The following COMTD1 variants were observed in gnomAD, a reference collection of about 807,000 sequenced individuals.
COMTD1 encodes catechol-O-methyltransferase domain containing 1, also known as catechol O-methyltransferase domain-containing protein 1.
In COMTD1, 35 loss-of-function variants were observed where a neutral mutation model predicts 33.6. That is an observed-to-expected ratio of 1.04 (90% CI 0.80 to 1.38). COMTD1 has a LOEUF of 1.38. Ranked by LOEUF, COMTD1 falls within the 40% of genes most tolerant of loss-of-function variation. The probability of loss-of-function intolerance (pLI) is 0.00; values close to 1 mark genes in which losing one functional copy is unlikely to be tolerated. For synonymous variants in COMTD1, 160 were observed against 176.8 expected (o/e 0.91, Z 0.75); for missense variants, 370 against 363.4 (o/e 1.02, Z -0.15).
chr10:75,235,815 C>G lies in COMTD1; in HGVS notation c.94+20G>C. The stretch of plus-strand genomic sequence containing the variant: ...ACTCTGCGCCCGCCCACCCGCCCGC[C>G]GGGACCAGGTCCTGCTCACCCAGGA... On this transcript the variant is annotated intron_variant, in intron 1 of 6. Coordinates refer to ENST00000372538, the MANE Select transcript of COMTD1 (RefSeq NM_144589.4). 2.6e-6 allele frequency: 4 copies of G among 1,536,786 alleles called. No individual in the cohort carries two copies. The highest frequency in any genetic ancestry group is 3.5e-6 in the Non-Finnish European group (4 of 1,144,212).
At chr10:75,235,472 AC>A (rs1365623602) in intron 2 of COMTD1, 100 bp from the exon 3 acceptor site, 3 of 1,335,636 alleles carry the variant, frequency 2.2e-6, no homozygotes, top group African/African-American at 1.5e-5. Flanking sequence ...GGCCTGGGGG[AC>A]TGGCCCTTCG....
chr10:75,234,979 T>G lies in COMTD1; in HGVS notation c.461A>C (p.His154Pro), dbSNP rs1436483527. 6.6e-6 allele frequency: 10 copies of G among 1,521,522 alleles called. No individual in the cohort carries two copies. The East Asian group carries it at 2.4e-4, about 36-fold the overall frequency. The allele number at this position is 1,521,522 out of a possible 1,614,324, so 94.3% of individuals were successfully genotyped here. The change falls in exon 5 of 7, where the codon CAC (histidine) becomes CCC (proline). Residue 154 changes from histidine (H) to proline (P), a missense_variant. By Grantham distance (77) the His-to-Pro change is moderately conservative. Transcript: ENST00000372538. ...GGGCTTCAGCCGGAGGTCGATCTTG[T>G]GCTCCGCCTCGGCCTGCGGAGGGAG... ...RPLWRQAEAE[H>P]KIDLRLKPAL...
Position 75,235,156 on chromosome 10 carries a change from G to A in COMTD1, c.351C>T (p.Ala117=). 1.4e-6 allele frequency: 2 copies of A among 1,407,280 alleles called. No individual in the cohort carries two copies. The highest frequency in any genetic ancestry group is 2.8e-5 in the East Asian group (1 of 35,106). 87.2% of individuals were successfully genotyped at this position (1,407,280 alleles called of 1,614,324 possible). ...CGGGCAGCGCCAGGGCCAGGGCCAG[G>A]GCGGAGTAGCCCGTGAAGGTGCCTG... ...LDLGTFTGYS[A]LALALALPAD... Residue 117 remains alanine (A), a synonymous_variant, in exon 4 of 7, where the codon GCC becomes GCT. Coordinates refer to ENST00000372538, the MANE Select transcript of COMTD1 (RefSeq NM_144589.4).
chr10:75,234,816 C>T, intron 5 of COMTD1, 73 bp from the exon 6 acceptor site: 2 of 1,529,478 alleles, frequency 1.3e-6, no homozygotes, highest in Non-Finnish European at 1.8e-6. Context: ...CCCAGGCCGG[C>T]CCGGGCTCTG....
chr10:75,235,127 T>A lies in COMTD1; in HGVS notation c.380A>T (p.Asp127Val). The stretch of plus-strand genomic sequence containing the variant: ...CACCTCGCAGGTCACCACGCGCCCG[T>A]CCGCGGGCAGCGCCAGGGCCAGGGC... ...ALALALALPA[D>V]GRVVTCEVDA... The change falls in exon 4 of 7, where the codon GAC (aspartate) becomes GTC (valine). Residue 127 changes from aspartate (D) to valine (V), a missense_variant. Physicochemically the swap from Asp to Val is radical, Grantham distance 152 (BLOSUM62 -3). Transcript: ENST00000372538. The A allele has an allele frequency of 1.4e-6, 2 of 1,400,258 alleles. No individual in the cohort carries two copies. The highest frequency in any genetic ancestry group is 1.8e-6 in the Non-Finnish European group (2 of 1,083,972). The allele number at this position is 1,400,258 out of a possible 1,614,324, so 86.7% of individuals were successfully genotyped here. A position where few individuals can be genotyped will look rare whatever the true frequency, so the allele number is the denominator to read the frequency against.
intron 2 of COMTD1, 31 bp from the exon 3 acceptor site, chr10:75,235,403 T>C (rs1564720278): frequency 1.4e-6 from 2 of 1,477,270 alleles, no homozygotes; most frequent in South Asian, 1.3e-5. Context: ...GCACCAGCCA[T>C]GCAGGTCACC....
Position 75,234,749 on chromosome 10 carries a change from G to C in COMTD1, c.503-6C>G, listed in dbSNP as rs778108660. The C allele has an allele frequency of 2.4e-5, 38 of 1,579,530 alleles. No individual in the cohort carries two copies. In the East Asian group the frequency reaches 5.6e-4, roughly 23 times the overall value. ...GCCCGCCGCCAGCAGCTCGTCTTGC[G>C]GGGGGAGGGAGGGCAGGTGCGGCTG... On this transcript the variant is annotated splice_region_variant and splice_polypyrimidine_tract_variant and intron_variant, in intron 5 of 6. Coordinates refer to ENST00000372538, the MANE Select transcript of COMTD1 (RefSeq NM_144589.4).
Position 75,234,748 on chromosome 10 carries a change from C to CG in COMTD1, c.503-6dup, listed in dbSNP as rs769814216. Reference sequence around the variant, plus strand: ...CGCCCGCCGCCAGCAGCTCGTCTTGCGGGGGGAGGGAGGGCAGGTGCGGCT... The same window carrying CG: ...CGCCCGCCGCCAGCAGCTCGTCTTGCGGGGGGGAGGGAGGGCAGGTGCGGCT... On this transcript the variant is annotated splice_polypyrimidine_tract_variant and splice_region_variant and intron_variant, in intron 5 of 6. Transcript: ENST00000372538. 2.5e-6 allele frequency: 4 copies of CG among 1,580,164 alleles called. No individual in the cohort carries two copies. Among genetic ancestry groups the CG allele is most frequent in the Non-Finnish European group, 1.7e-6 (2 of 1,164,758 alleles).
chr10:75,234,814 G>A, intron 5 of COMTD1, 71 bp from the exon 6 acceptor site: 2 of 1,529,178 alleles, frequency 1.3e-6, no homozygotes, highest in East Asian at 2.5e-5. Flanking sequence ...CTCCCAGGCC[G>A]GCCCGGGCTC....
In COMTD1 at chr10:75,234,755, AG is replaced by A; in HGVS notation, c.503-13del. Reference sequence around the variant, plus strand: ...CGCCAGCAGCTCGTCTTGCGGGGGGAGGGAGGGCAGGTGCGGCTGAGTCCGC... The same window carrying A: ...CGCCAGCAGCTCGTCTTGCGGGGGGAGGAGGGCAGGTGCGGCTGAGTCCGC... On this transcript the variant is annotated splice_polypyrimidine_tract_variant and intron_variant, in intron 5 of 6. Coordinates refer to ENST00000372538, the MANE Select transcript of COMTD1 (RefSeq NM_144589.4). The A allele has an allele frequency of 6.4e-7, 1 of 1,569,270 alleles. No individual in the cohort carries two copies. The highest frequency in any genetic ancestry group is 2.4e-5 in the East Asian group (1 of 41,876).
chr10:75,235,472 A>G, intron 2 of COMTD1, 100 bp from the exon 3 acceptor site: 1 of 1,335,756 alleles, frequency 7.5e-7, no homozygotes, highest in Non-Finnish European at 9.9e-7. Flanking sequence ...GGCCTGGGGG[A>G]CTGGCCCTTC....
At chr10:75,234,369 C>T (rs1842155655) in intron 6 of COMTD1, 144 bp from the exon 7 acceptor site, 1 of 925,732 alleles carries the variant, frequency 1.1e-6, no homozygotes, top group Non-Finnish European at 1.5e-6. Flanking sequence ...GGCGGGGTCT[C>T]GGAGGGAGGT....
In COMTD1 at chr10:75,235,285, T is replaced by G. The variant is rs1842174579; in HGVS notation, c.310A>C (p.Lys104Gln). The G allele has an allele frequency of 6.3e-7, 1 of 1,582,214 alleles. No individual in the cohort carries two copies. The highest frequency in any genetic ancestry group is 1.4e-5 in the African/African-American group (1 of 73,434). The change falls in exon 3 of 7, where the codon AAG (lysine) becomes CAG (glutamine). Residue 104 changes from lysine (K) to glutamine (Q), a missense_variant. Lys to Gln is a moderately conservative substitution (Grantham distance 53). Transcript: ENST00000372538. ...LANLARLIQAKKALDLGTFTG... is the reference protein window; with the variant it reads ...LANLARLIQAQKALDLGTFTG... Reference sequence around the variant, plus strand: ...CCCCTACCCAGGTCCAGCGCCTTCTTGGCCTGGATGAGCCGCGCCAGGTTG... The same window carrying G: ...CCCCTACCCAGGTCCAGCGCCTTCTGGGCCTGGATGAGCCGCGCCAGGTTG...
In COMTD1 at chr10:75,235,330, C is replaced by G; in HGVS notation, c.265G>C (p.Glu89Gln). 1 of 1,593,916 alleles carries G rather than the reference C, an allele frequency of 6.3e-7. No individual in the cohort carries two copies. Among genetic ancestry groups the G allele is most frequent in the Non-Finnish European group, 8.5e-7 (1 of 1,173,060 alleles). The change falls in exon 3 of 7, where the codon GAG (glutamate) becomes CAG (glutamine). Residue 89 changes from glutamate to glutamine, a missense_variant. Coordinates refer to ENST00000372538, the MANE Select transcript of COMTD1 (RefSeq NM_144589.4). ...AGGTTGGCCAAGAGCTGGGCCTGCT[C>G]GCAGGTCATCATAGAATCCCCCTGC... ...QPQGDSMMTC[E>Q]QAQLLANLAR...
chr10:75,235,530 G>C (rs549869111), intron 2 of COMTD1, 86 bp downstream of exon 2: 2 of 1,436,706 alleles, frequency 1.4e-6, no homozygotes, highest in Non-Finnish European at 1.8e-6. Context: ...CCCAGGGAGG[G>C]CCAGGGCCCA....
At chr10:75,235,237 C>G in intron 3 of COMTD1, 30 bp downstream of exon 3, 1 of 1,485,846 alleles carries the variant, frequency 6.7e-7, no homozygotes, top group Non-Finnish European at 8.9e-7. Context: ...GAAACCTCGG[C>G]CCTCCGGGAT....
In COMTD1 at chr10:75,233,935, T is replaced by C. The variant is rs1462450704; in HGVS notation, c.*138A>G. The C allele has an allele frequency of 1.9e-6, 3 of 1,543,026 alleles. No individual in the cohort carries two copies. The highest frequency in any genetic ancestry group is 2.6e-6 in the Non-Finnish European group (3 of 1,150,164). On this transcript the variant is annotated 3_prime_UTR_variant, in exon 7 of 7. Coordinates refer to ENST00000372538, the MANE Select transcript of COMTD1 (RefSeq NM_144589.4). ...CTGTCTGTGCTGGGCCTTCCCTCCC[T>C]TCCCCATCCAGCGCCACACACGGAG...
chr10:75,234,230 G>T lies in COMTD1; in HGVS notation c.637-5C>A, dbSNP rs372819631. 2.5e-5 allele frequency: 40 copies of T among 1,607,452 alleles called. No individual in the cohort carries two copies. The African/African-American group carries it at 4.9e-4, about 20-fold the overall frequency. On this transcript the variant is annotated splice_polypyrimidine_tract_variant and splice_region_variant and intron_variant, in intron 6 of 6. Transcript: ENST00000372538. The stretch of plus-strand genomic sequence containing the variant: ...CACCTTCCCGCGCCACAGGACCTGC[G>T]GGAGGGCGGGGCCAACCGGGCCGTG...
rs1457726918 is a variant in COMTD1, at chr10:75,234,677, T to C, written c.569A>G (p.Asn190Ser). ...DVAVVDADKE[N>S]CSAYYERCLQ... The stretch of plus-strand genomic sequence containing the variant: ...GCAGCGCTCGTAGTAGGCGGAGCAG[T>C]TCTCCTTGTCCGCATCCACCACGGC... Residue 190 changes from asparagine to serine, a missense_variant, in exon 6 of 7, where the codon AAC becomes AGC. Asn to Ser is a conservative substitution (Grantham distance 46). Coordinates refer to ENST00000372538, the MANE Select transcript of COMTD1 (RefSeq NM_144589.4). The C allele has an allele frequency of 6.3e-7, 1 of 1,585,800 alleles. No homozygotes were observed. Among genetic ancestry groups the C allele is most frequent in the Non-Finnish European group, 8.6e-7 (1 of 1,166,852 alleles).
Sources: gnomAD v4.1 joint callset for allele counts on GRCh38, gnomAD v4.1.1 for gene constraint, MANE v1.5 for transcripts, NCBI Gene and HGNC (gene_info 2026-07-23, HGNC 2026-07-21) for gene names.